CNTNAP2: variants seen among roughly 807,000 people sequenced by gnomAD.
The protein encoded by CNTNAP2 is contactin associated protein 2, also known as contactin-associated protein-like 2.
In CNTNAP2, 98 loss-of-function variants were observed where a neutral mutation model predicts 155.2. The ratio of observed to expected loss-of-function variants is 0.63; its 90% CI spans 0.54 to 0.75. The LOEUF (loss-of-function observed/expected upper bound fraction) is 0.75, where lower values mean the gene tolerates loss of function less well. CNTNAP2 is among the 30% of genes least tolerant of loss of function. CNTNAP2 has a pLI of 0.00. For missense variants in CNTNAP2, 1,727 were observed against 1,688.1 expected, an observed-to-expected ratio of 1.02 and a Z score of -0.40; for synonymous variants, 651 against 631.2, an observed-to-expected ratio of 1.03 and a Z score of -0.47.
At chr7:147,848,904 T>C (rs557887756) in intron 13 of CNTNAP2, among the ~76,000 whole-genome samples, 1 of 149,736 alleles carries the variant, frequency 6.7e-6, no homozygotes. Context: ...TTTAATTTTG[T>C]TTTTTTTTCT....
intron 14 of CNTNAP2, among the ~76,000 whole-genome samples, chr7:147,920,229 G>T (rs1164127174): frequency 6.6e-6 from 1 of 151,792 alleles, no homozygotes; most frequent in Admixed American, 6.6e-5. Flanking sequence ...GGTGGCACAT[G>T]CCTGTAATCC....
At chr7:146,328,325 G>A (rs865920558) in intron 1 of CNTNAP2, among the ~76,000 whole-genome samples, 4 of 152,022 alleles carry the variant, frequency 2.6e-5, no homozygotes, top group Admixed American at 1.3e-4. Flanking sequence ...ACTGGTCCCC[G>A]GTGCCAAAAA....
At chr7:146,172,439 C>A (rs904734030) in intron 1 of CNTNAP2, among the ~76,000 whole-genome samples, 1 of 152,034 alleles carries the variant, frequency 6.6e-6, no homozygotes, top group Non-Finnish European at 1.5e-5. Context: ...ACATACACTG[C>A]GCAGCCACCT....
intron 2 of CNTNAP2, among the ~76,000 whole-genome samples, chr7:146,828,254 G>T (rs768171646): frequency 6.6e-6 from 1 of 151,754 alleles, no homozygotes; most frequent in Non-Finnish European, 1.5e-5. Flanking sequence ...GAAATAACAT[G>T]GTGTAAATAA....
chr7:146,732,768 C>G (rs1801548038), intron 1 of CNTNAP2, among the ~76,000 whole-genome samples: 1 of 152,066 alleles, frequency 6.6e-6, no homozygotes, highest in Non-Finnish European at 1.5e-5. Context: ...ATAGTATTTT[C>G]TATAACCTGC....
At chr7:146,971,236 CT>C (rs1306867195) in intron 3 of CNTNAP2, among the ~76,000 whole-genome samples, 2 of 151,950 alleles carry the variant, frequency 1.3e-5, no homozygotes, top group African/African-American at 4.8e-5. Context: ...TAAAGAAAGT[CT>C]TTTTTCCCTA....
chr7:146,293,798 C>G (rs977755637), intron 1 of CNTNAP2, among the ~76,000 whole-genome samples: 2 of 151,988 alleles, frequency 1.3e-5, no homozygotes, highest in Non-Finnish European at 2.9e-5. Context: ...CTCTCAAAAA[C>G]TGTAGAAAAA....
intron 11 of CNTNAP2, among the ~76,000 whole-genome samples, chr7:147,558,736 CCTTCCTTT>C (rs1331072731): frequency 1.3e-4 from 11 of 86,242 alleles, no homozygotes; most frequent in Admixed American, 1.3e-3. Context: ...TTCCTTCCTT[CCTTCCTTT>C]CTTCCTTCCT....
intron 1 of CNTNAP2, among the ~76,000 whole-genome samples, chr7:146,594,016 T>C (rs1798822897): frequency 6.6e-6 from 1 of 152,144 alleles, no homozygotes; most frequent in Admixed American, 6.6e-5. Context: ...GGGAATGATA[T>C]CTGATGACCC....
chr7:146,425,671 C>G (rs1457065390), intron 1 of CNTNAP2, among the ~76,000 whole-genome samples: 1 of 152,036 alleles, frequency 6.6e-6, no homozygotes, highest in Non-Finnish European at 1.5e-5. Context: ...GCCACAGTAA[C>G]AAAAACTACA....
chr7:146,347,120 T>C lies in CNTNAP2; in HGVS notation c.97+230147T>C, dbSNP rs115477938. 3.1e-3 allele frequency among the ~76,000 whole-genome samples: 437 copies of C among 139,484 alleles called. 3 individuals are homozygous for C. The highest frequency in any genetic ancestry group is 0.012 in the African/African-American group (421 of 35,436). The allele number at this position is 139,484 out of a possible 152,430, so 91.5% of individuals were successfully genotyped here. A position where few individuals can be genotyped will look rare whatever the true frequency, so the allele number is the denominator to read the frequency against. ...TCAATGGAAAGCCAGGATAGTGTGG[T>C]TAGGAATCCATACTCTGTAAAAAAA... On this transcript the variant is annotated intron_variant, in intron 1 of 23. Transcript: ENST00000361727.
intron 15 of CNTNAP2, among the ~76,000 whole-genome samples, chr7:148,079,611 A>AT (rs1474837010): frequency 1.3e-5 from 2 of 152,304 alleles, no homozygotes; most frequent in African/African-American, 4.8e-5. Context: ...CAGAAGTTAG[A>AT]TTTTTCCCCA....
intron 4 of CNTNAP2, among the ~76,000 whole-genome samples, chr7:147,101,228 T>C (rs1350428751): frequency 6.6e-6 from 1 of 152,222 alleles, no homozygotes; most frequent in Non-Finnish European, 1.5e-5. Flanking sequence ...AGAACCTGGC[T>C]TTTGATCTTT....
chr7:147,671,520 T>C (rs886713464), intron 13 of CNTNAP2, among the ~76,000 whole-genome samples: 3 of 152,196 alleles, frequency 2.0e-5, no homozygotes, highest in Non-Finnish European at 4.4e-5. Flanking sequence ...AATTTTTTTT[T>C]GGCCAAAATA....
intron 11 of CNTNAP2, among the ~76,000 whole-genome samples, chr7:147,489,420 T>C (rs1201002995): frequency 6.6e-6 from 1 of 152,214 alleles, no homozygotes; most frequent in Non-Finnish European, 1.5e-5. Context: ...AAAATGCAAA[T>C]ACATTAAATT....
intron 3 of CNTNAP2, among the ~76,000 whole-genome samples, chr7:146,995,445 C>A (rs1240149347): frequency 3.3e-5 from 5 of 151,986 alleles, no homozygotes; most frequent in Non-Finnish European, 2.9e-5. Context: ...AATGTATATT[C>A]CCATCAACAG....
intron 4 of CNTNAP2, among the ~76,000 whole-genome samples, chr7:147,068,293 T>A (rs1799822244): frequency 6.6e-6 from 1 of 152,132 alleles, no homozygotes; most frequent in African/African-American, 2.4e-5. Context: ...TTAACTTAGG[T>A]GTTGTATGGA....
intron 1 of CNTNAP2, among the ~76,000 whole-genome samples, chr7:146,404,949 T>C (rs558881911): frequency 6.6e-6 from 1 of 152,322 alleles, no homozygotes; most frequent in South Asian, 2.1e-4. Context: ...ATCATATTTG[T>C]AATGACATAT....
At chr7:146,645,035 G>C (rs1799787228) in intron 1 of CNTNAP2, among the ~76,000 whole-genome samples, 1 of 152,066 alleles carries the variant, frequency 6.6e-6, no homozygotes, top group Non-Finnish European at 1.5e-5. Context: ...CCAAAAAAGA[G>C]AATTTTAGAG....
Sources: gnomAD v4.1 joint callset for allele counts (sites outside exome capture counted in the v4.1 genomes callset) on GRCh38, gnomAD v4.1.1 for gene constraint, MANE v1.5 for transcripts, NCBI Gene and HGNC (gene_info 2026-07-23, HGNC 2026-07-21) for gene names.